The following PLAGL1 variants were observed in gnomAD, a reference collection of about 807,000 sequenced individuals.
PLAGL1 encodes PLAG1 like zinc finger 1.
In PLAGL1, 1 loss-of-function variant was observed where a neutral mutation model predicts 4.6. The ratio of observed to expected loss-of-function variants is 0.22; its 90% CI spans 0.08 to 1.03. The LOEUF (loss-of-function observed/expected upper bound fraction) is 1.03, where lower values mean the gene tolerates loss of function less well. Ranked by LOEUF, PLAGL1 falls within the 50% of genes least tolerant of loss-of-function variation. The pLI is 0.58. For synonymous variants in PLAGL1, 240 were observed against 237.8 expected, an observed-to-expected ratio of 1.01 and a Z score of -0.08; for missense variants, 464 against 570.4, an observed-to-expected ratio of 0.81 and a Z score of 1.90.
rs776698636 is a variant in PLAGL1 at position 143,941,985 on chromosome 6, C to T, written c.831G>A (p.Pro277=). 28 of 1,593,492 alleles carry T rather than the reference C, an allele frequency of 1.8e-5. No homozygotes were observed. Among genetic ancestry groups the T allele is most frequent in the East Asian group, 1.1e-4 (5 of 44,694 alleles). ...GGAGGGAGGCCAGGGACTCTGGCAG[C>T]GGCTGCATAGGCTGGGCGGCTTGTT... ...PPEQAAQPMQ[P]LPESLASLHP... Residue 277 remains proline (P), a synonymous_variant, in exon 8 of 8, where the codon CCG becomes CCA. Transcript: ENST00000674357. The surrounding 1 kb of genome is among the most constrained non-coding windows in gnomAD (Gnocchi z 6.0).
intron 1 of PLAGL1, among the ~76,000 whole-genome samples, chr6:143,987,059 C>CAT (rs1429587184): frequency 2.0e-5 from 3 of 152,108 alleles, no homozygotes; most frequent in Non-Finnish European, 4.4e-5. Flanking sequence ...TTCGTTAACA[C>CAT]TGAAATATAT....
At position 143,973,365 on chromosome 6, in the gene PLAGL1, G is replaced by A. The variant is rs77006392; in HGVS notation, c.-543-4387C>T. ...CTCATGGTTTAATTCAAATTCATCC[G>A]TTTCCTACATTCCAGTGACAGTTCA... On this transcript the variant is annotated intron_variant, in intron 2 of 7. Coordinates refer to ENST00000674357, the MANE Select transcript of PLAGL1 (RefSeq NM_001317162.2). The surrounding 1 kb of genome is among the most constrained non-coding windows in gnomAD (Gnocchi z 6.2). Among the ~76,000 whole-genome samples, 1,037 of 152,250 alleles carry A rather than the reference G, an allele frequency of 6.8e-3. 1 individual carries two copies. The highest frequency in any genetic ancestry group is 0.012 in the Non-Finnish European group (799 of 68,020).
intron 3 of PLAGL1, chr6:143,967,808 C>G (rs1041530133): frequency 3.9e-5 from 6 of 152,026 alleles, no homozygotes; most frequent in African/African-American, 1.5e-4. Flanking sequence ...TCCTAGTTAG[C>G]CTTCGGCCTG....
chr6:144,045,785 T>A (rs1375001274), intron 1 of PLAGL1, among the ~76,000 whole-genome samples: 1 of 152,236 alleles, frequency 6.6e-6, no homozygotes, highest in Non-Finnish European at 1.5e-5. Context: ...AAGAGTGTTT[T>A]CCAGCTTGGT....
At position 143,983,269 on chromosome 6, in the gene PLAGL1, T is replaced by C. The variant is rs909653205; in HGVS notation, c.-544+1866A>G. ...AGAATTAATGGTTGAGTTTGCAATA[T>C]GAAGGTCGCTGGTGACACTTGAGAA... On this transcript the variant is annotated intron_variant, in intron 2 of 7. Coordinates refer to ENST00000674357, the MANE Select transcript of PLAGL1 (RefSeq NM_001317162.2). This position sits in a 1 kb window ranked among gnomAD's most constrained non-coding sequence, Gnocchi z 6.6. Among the ~76,000 whole-genome samples, 16 of 152,304 alleles carry C rather than the reference T, an allele frequency of 1.1e-4. No homozygotes were observed. Among genetic ancestry groups the C allele is most frequent in the East Asian group, 5.8e-4 (3 of 5,180 alleles).
At position 144,048,189 on chromosome 6, in the gene PLAGL1, G is replaced by T. The variant is rs1036567979; in HGVS notation, c.-151+16279C>A. 6.6e-6 allele frequency among the ~76,000 whole-genome samples: 1 copy of T among 152,224 alleles called. No individual in the cohort carries two copies. Among genetic ancestry groups the T allele is most frequent in the South Asian group, 2.1e-4 (1 of 4,834 alleles). On this transcript the variant is annotated intron_variant, in intron 1 of 3. Transcript: ENST00000437412. The surrounding 1 kb of genome is among the most constrained non-coding windows in gnomAD (Gnocchi z 4.8). ...TGGGCAGCTCTGCCTCTGTGGCTTT[G>T]CAGGGTACGGCCTCCCTCTTGGCTG...
In PLAGL1 at chr6:143,948,277, G is replaced by C; in HGVS notation, c.-141C>G. The C allele has an allele frequency of 1.4e-6, 1 of 695,492 alleles. No homozygotes were observed. The highest frequency in any genetic ancestry group is 2.5e-6 in the Non-Finnish European group (1 of 403,452). The allele number at this position is 695,492 out of a possible 1,614,324, so 43.1% of individuals were successfully genotyped here. The stretch of plus-strand genomic sequence containing the variant: ...AGACCACGGGAGAGGCAGCATCGTG[G>C]GCCTGGTTCTACCCAGACATGGACC... On this transcript the variant is annotated 5_prime_UTR_variant, in exon 7 of 8. Transcript: ENST00000674357. This position sits in a 1 kb window ranked among gnomAD's most constrained non-coding sequence, Gnocchi z 6.0.
Position 143,941,158 on chromosome 6 carries a change from G to T in PLAGL1, c.*266C>A. 1 of 304,384 alleles carries T rather than the reference G, an allele frequency of 3.3e-6. No homozygotes were observed. 18.9% of individuals were successfully genotyped at this position (304,384 alleles called of 1,614,324 possible). On this transcript the variant is annotated 3_prime_UTR_variant, in exon 8 of 8. Transcript: ENST00000674357. This position sits in a 1 kb window ranked among gnomAD's most constrained non-coding sequence, Gnocchi z 6.0. The stretch of plus-strand genomic sequence containing the variant: ...ATATGACAAACACTTATATATAGCA[G>T]CCGTCATTTTGGATGTTGGTTATGA...
At chr6:144,044,712 C>G (rs1797993764) in intron 1 of PLAGL1, among the ~76,000 whole-genome samples, 1 of 152,142 alleles carries the variant, frequency 6.6e-6, no homozygotes. Flanking sequence ...GAGCTGAGTC[C>G]AAGTCCTGGA....
intron 1 of PLAGL1, among the ~76,000 whole-genome samples, chr6:143,999,359 T>C (rs539059665): frequency 1.3e-5 from 2 of 152,274 alleles, no homozygotes; most frequent in Admixed American, 6.5e-5. Flanking sequence ...TAGAAAGTGC[T>C]CAGTACATCA....
At chr6:144,045,573 G>GCTTC (rs1424904614) in intron 1 of PLAGL1, among the ~76,000 whole-genome samples, 2 of 152,182 alleles carry the variant, frequency 1.3e-5, no homozygotes, top group East Asian at 3.8e-4. Flanking sequence ...TGTCTGATGG[G>GCTTC]CTTCCCTTTG....
At chr6:144,024,472 ATCTGATGGTTTTATAAATGGGAGTTC>A (rs1796199224) in intron 1 of PLAGL1, among the ~76,000 whole-genome samples, 1 of 152,056 alleles carries the variant, frequency 6.6e-6, no homozygotes, top group Admixed American at 6.5e-5. Flanking sequence ...GTCTCATGAG[ATCTGATGGTTTTATAAATGGGAGTTC>A]TCTGTACAAG....
At chr6:143,956,882 G>C (rs973994570) in intron 6 of PLAGL1, among the ~76,000 whole-genome samples, 1 of 152,236 alleles carries the variant, frequency 6.6e-6, no homozygotes, top group African/African-American at 2.4e-5. Context: ...GCAGGGAGCT[G>C]GGATCTGTCA....
Position 143,984,529 on chromosome 6 carries a change from T to C in PLAGL1, c.-544+606A>G, listed in dbSNP as rs1266860015. Among the ~76,000 whole-genome samples the C allele has an allele frequency of 6.6e-6, 1 of 151,968 alleles. No individual in the cohort carries two copies. The highest frequency in any genetic ancestry group is 1.5e-5 in the Non-Finnish European group (1 of 67,984). ...ACTATCGGGAAGACTGTATTAGAGG[T>C]GCGTGTCTTCTTGGTGGCTTCAAAA... On this transcript the variant is annotated intron_variant, in intron 2 of 7. Transcript: ENST00000674357. The surrounding 1 kb of genome is among the most constrained non-coding windows in gnomAD (Gnocchi z 5.5).
chr6:144,017,461 G>A (rs984417790), intron 1 of PLAGL1, among the ~76,000 whole-genome samples: 1 of 152,116 alleles, frequency 6.6e-6, no homozygotes, highest in African/African-American at 2.4e-5. Flanking sequence ...ATCTTCAACT[G>A]ACTGACATTT....
chr6:144,045,708 G>A (rs896471688), intron 1 of PLAGL1, among the ~76,000 whole-genome samples: 7 of 152,134 alleles, frequency 4.6e-5, no homozygotes, highest in Admixed American at 3.9e-4. Context: ...GGTGTTCTCT[G>A]TATTTCCTGA....
chr6:143,980,365 GATGTGCT>G (rs1787648790), intron 2 of PLAGL1, among the ~76,000 whole-genome samples: 1 of 148,326 alleles, frequency 6.7e-6, no homozygotes, highest in Non-Finnish European at 1.5e-5. Context: ...ACAGCTCACT[GATGTGCT>G]ATTCACTTTT....
At position 143,995,238 on chromosome 6, in the gene PLAGL1, T is replaced by C. The variant is rs1457278252; in HGVS notation, c.-583-10064A>G. Among the ~76,000 whole-genome samples, 1 of 152,222 alleles carries C rather than the reference T, an allele frequency of 6.6e-6. No individual in the cohort carries two copies. The highest frequency in any genetic ancestry group is 2.4e-5 in the African/African-American group (1 of 41,456). On this transcript the variant is annotated intron_variant, in intron 1 of 7. Coordinates refer to ENST00000674357, the MANE Select transcript of PLAGL1 (RefSeq NM_001317162.2). The surrounding 1 kb of genome is among the most constrained non-coding windows in gnomAD (Gnocchi z 4.4). ...ACAATAAAGCAAGGTCCCTTTCAAT[T>C]TATCCTTAAAGTTAATTAATAAAAA...
chr6:143,996,529 C>T (rs1189164665), intron 1 of PLAGL1, among the ~76,000 whole-genome samples: 1 of 151,882 alleles, frequency 6.6e-6, no homozygotes, highest in East Asian at 1.9e-4. Flanking sequence ...AAGGTTGTCA[C>T]GTTACTGACA....
Sources: allele counts gnomAD v4.1 joint callset (sites outside exome capture counted in the v4.1 genomes callset), GRCh38; gene constraint gnomAD v4.1.1; non-coding constraint Gnocchi (gnomAD v3.1); transcripts MANE v1.5; gene names NCBI Gene and HGNC (gene_info 2026-07-23, HGNC 2026-07-21).